Variants in GRIA1 observed in about 807,000 individuals in gnomAD.
GRIA1 encodes the protein glutamate receptor 1.
A neutral mutation model predicts 99.2 loss-of-function variants in GRIA1; 31 were observed. The ratio of observed to expected loss-of-function variants is 0.31; its 90% CI spans 0.23 to 0.42. The LOEUF (loss-of-function observed/expected upper bound fraction) is 0.42, where lower values mean the gene tolerates loss of function less well. Among genes scored for constraint, GRIA1 ranks in the 10% least tolerant of loss-of-function variants. The pLI is 1.00. For synonymous variants in GRIA1, 438 were observed against 432.4 expected (o/e 1.01, Z -0.16); for missense variants, 782 against 1,157.5 (o/e 0.68, Z 4.71).
At chr5:153,499,374 G>A (rs1166349718) in intron 2 of GRIA1, among the ~76,000 whole-genome samples, 1 of 151,982 alleles carries the variant, frequency 6.6e-6, no homozygotes, top group Non-Finnish European at 1.5e-5. Flanking sequence ...CCAGCACTTT[G>A]GAAGGCCGAG....
chr5:153,524,220 A>T (rs948280410), intron 2 of GRIA1, among the ~76,000 whole-genome samples: 22 of 152,234 alleles, frequency 1.4e-4, no homozygotes, highest in African/African-American at 5.3e-4. Flanking sequence ...CCAGCTACTC[A>T]GGAGGCTGAG....
At chr5:153,572,327 A>G (rs530167321) in intron 2 of GRIA1, among the ~76,000 whole-genome samples, 1 of 152,284 alleles carries the variant, frequency 6.6e-6, no homozygotes, top group South Asian at 2.1e-4. Context: ...ATATGAGATG[A>G]CCCGCAAAGA....
intron 2 of GRIA1, among the ~76,000 whole-genome samples, chr5:153,530,038 A>T (rs1381110777): frequency 6.6e-6 from 1 of 152,048 alleles, no homozygotes; most frequent in African/African-American, 2.4e-5. Flanking sequence ...AATAATACCA[A>T]TTACTATAGC....
intron 8 of GRIA1, among the ~76,000 whole-genome samples, chr5:153,686,743 C>G (rs1390173418): frequency 6.6e-6 from 1 of 152,086 alleles, no homozygotes; most frequent in African/African-American, 2.4e-5. Context: ...CATATCCACT[C>G]TATTATTTAT....
At position 153,578,157 on chromosome 5, in the gene GRIA1, AAAAAAAAAAAAAAAAAG is replaced by A. The variant is rs1209080611; in HGVS notation, c.221-68767_221-68751del. Among the ~76,000 whole-genome samples the A allele has an allele frequency of 3.0e-5, 4 of 133,220 alleles. No individual in the cohort carries two copies. In the East Asian group the frequency reaches 6.7e-4, roughly 22 times the overall value. The allele number at this position is 133,220 out of a possible 152,430, so 87.4% of individuals were successfully genotyped here. ...CAGAGAGAGACTCTGTCAAAAAAAAAAAAAAAAAAAAAAAAAGAAAGAAAGAAGAAAGAAAGAAAAGA... is the reference window on the plus strand; with the variant it reads ...CAGAGAGAGACTCTGTCAAAAAAAAAAAAGAAAGAAGAAAGAAAGAAAAGA... On this transcript the variant is annotated intron_variant, in intron 2 of 15. Transcript: ENST00000285900.
chr5:153,686,281 C>T lies in GRIA1; in HGVS notation c.1086C>T (p.Thr362=). The change falls in exon 8 of 16, where the codon ACC becomes ACT. Residue 362 remains threonine (T), a synonymous_variant. Transcript: ENST00000285900. ...AGTTTAATGAGAAAGGACGCCGGAC[C>T]AACTACACGCTCCACGTGATTGAAA... The part of the protein sequence containing the change: ...NVQFNEKGRR[T]NYTLHVIEMK... 2 of 1,613,956 alleles carry T rather than the reference C, an allele frequency of 1.2e-6. No individual in the cohort carries two copies. Among genetic ancestry groups the T allele is most frequent in the African/African-American group, 2.7e-5 (2 of 75,024 alleles).
At chr5:153,631,499 C>A (rs1266786611) in intron 2 of GRIA1, among the ~76,000 whole-genome samples, 1 of 152,120 alleles carries the variant, frequency 6.6e-6, no homozygotes, top group Non-Finnish European at 1.5e-5. Context: ...AAAAGAAAGT[C>A]TTTTTTCTGA....
chr5:153,560,865 C>T (rs1328674760), intron 2 of GRIA1, among the ~76,000 whole-genome samples: 1 of 152,122 alleles, frequency 6.6e-6, no homozygotes, highest in Admixed American at 6.5e-5. Context: ...GTAATTAAAC[C>T]AGAGCAGCAA....
rs986349727 is a variant in GRIA1 at position 153,760,511 on chromosome 5, T to C, written c.1824-3923T>C. Among the ~76,000 whole-genome samples the C allele has an allele frequency of 2.0e-5, 3 of 152,110 alleles. No individual in the cohort carries two copies. The East Asian group carries it at 5.8e-4, about 29-fold the overall frequency. On this transcript the variant is annotated intron_variant, in intron 11 of 15. Transcript: ENST00000285900. ...TGTGGTAAAAACTATAAAACATTGA[T>C]GAAAGAAATTTAAGAGGACACAAGC...
At chr5:153,747,591 A>G (rs1429945186) in intron 11 of GRIA1, among the ~76,000 whole-genome samples, 2 of 152,188 alleles carry the variant, frequency 1.3e-5, no homozygotes, top group Non-Finnish European at 2.9e-5. Flanking sequence ...GATGGTGAAT[A>G]TGTTTGGGGC....
At chr5:153,663,907 C>A (rs1239524274) in intron 5 of GRIA1, among the ~76,000 whole-genome samples, 1 of 152,204 alleles carries the variant, frequency 6.6e-6, no homozygotes, top group Non-Finnish European at 1.5e-5. Context: ...GCAAACCATG[C>A]ACACCTAGGC....
intron 7 of GRIA1, among the ~76,000 whole-genome samples, chr5:153,678,782 G>C (rs1280390821): frequency 3.3e-5 from 5 of 152,208 alleles, no homozygotes; most frequent in Non-Finnish European, 5.9e-5. Flanking sequence ...AGGCAGTTCA[G>C]GGTGGCAGGA....
chr5:153,580,976 T>A (rs1762996657), intron 2 of GRIA1, among the ~76,000 whole-genome samples: 1 of 152,224 alleles, frequency 6.6e-6, no homozygotes, highest in Non-Finnish European at 1.5e-5. Flanking sequence ...GACAGCTTTT[T>A]CCTAAAGATG....
intron 5 of GRIA1, among the ~76,000 whole-genome samples, chr5:153,659,360 C>T (rs922773942): frequency 3.3e-5 from 5 of 152,240 alleles, no homozygotes; most frequent in Admixed American, 6.5e-5. Flanking sequence ...TGAACTTGAA[C>T]CATGCAGAAA....
intron 2 of GRIA1, among the ~76,000 whole-genome samples, chr5:153,530,982 T>A (rs1758046071): frequency 6.6e-6 from 1 of 152,088 alleles, no homozygotes; most frequent in African/African-American, 2.4e-5. Flanking sequence ...TAACTTCAGA[T>A]AATAATAAAG....
chr5:153,641,634 T>C (rs940279957), intron 2 of GRIA1, among the ~76,000 whole-genome samples: 1 of 152,194 alleles, frequency 6.6e-6, no homozygotes, highest in Non-Finnish European at 1.5e-5. Flanking sequence ...ATGCTCTCTC[T>C]ATCTCTGCCA....
intron 2 of GRIA1, among the ~76,000 whole-genome samples, chr5:153,499,363 C>T (rs1032348874): frequency 1.8e-4 from 27 of 152,020 alleles, no homozygotes; most frequent in African/African-American, 6.3e-4. Flanking sequence ...CACTTGTAAT[C>T]CCAGCACTTT....
At chr5:153,763,056 T>C (rs1763286661) in intron 11 of GRIA1, among the ~76,000 whole-genome samples, 1 of 152,196 alleles carries the variant, frequency 6.6e-6, no homozygotes, top group South Asian at 2.1e-4. Context: ...CAAGTGTTCC[T>C]CTCTTTTATT....
intron 11 of GRIA1, among the ~76,000 whole-genome samples, chr5:153,714,383 C>T (rs1759525083): frequency 6.6e-6 from 1 of 152,200 alleles, no homozygotes; most frequent in South Asian, 2.1e-4. Context: ...CTTTTCCCCT[C>T]CATTTTTGAT....
Sources: allele counts gnomAD v4.1 joint callset (sites outside exome capture counted in the v4.1 genomes callset), GRCh38; gene constraint gnomAD v4.1.1; transcripts MANE v1.5; gene names NCBI Gene and HGNC (gene_info 2026-07-23, HGNC 2026-07-21).